The following SLC66A3 variants were observed in gnomAD, a reference collection of about 807,000 sequenced individuals.
SLC66A3 encodes the protein solute carrier family 66 member 3.
A neutral mutation model predicts 25.5 loss-of-function variants in SLC66A3; 23 were observed. The observed-to-expected ratio is 0.90, with a 90% confidence interval of 0.65 to 1.28. The LOEUF (loss-of-function observed/expected upper bound fraction) is 1.28, where lower values mean the gene tolerates loss of function less well. Among genes scored for constraint, SLC66A3 ranks in the 50% most tolerant of loss-of-function variants. The pLI is 0.00. For missense variants in SLC66A3, 246 were observed against 262.1 expected (o/e 0.94, Z 0.42); for synonymous variants, 108 against 112.6 (o/e 0.96, Z 0.26).
chr2:11,155,501 G>C lies in SLC66A3; in HGVS notation c.-46G>C, dbSNP rs1158242568. On this transcript the variant is annotated 5_prime_UTR_variant, in exon 1 of 7. Transcript: ENST00000295083. ...CAGAGCTGCGCCGCCGAGGCTGAGCGGTCCCTTCTCGCTGCGGCCGCCCAG... is the reference window on the plus strand; with the variant it reads ...CAGAGCTGCGCCGCCGAGGCTGAGCCGTCCCTTCTCGCTGCGGCCGCCCAG... 2 of 1,455,584 alleles carry C rather than the reference G, an allele frequency of 1.4e-6. No individual in the cohort carries two copies. Among genetic ancestry groups the C allele is most frequent in the Non-Finnish European group, 1.8e-6 (2 of 1,112,798 alleles). 90.2% of individuals were successfully genotyped at this position (1,455,584 alleles called of 1,614,324 possible). A position where few individuals can be genotyped will look rare whatever the true frequency, so the allele number is the denominator to read the frequency against.
At chr2:11,172,693 G>T in intron 5 of SLC66A3, 1 of 402,244 alleles carries the variant, frequency 2.5e-6, no homozygotes. Context: ...TATTCAACAA[G>T]TTACTTGTCT....
intron 3 of SLC66A3, among the ~76,000 whole-genome samples, chr2:11,161,731 G>A (rs1402451688): frequency 1.3e-5 from 2 of 152,176 alleles, no homozygotes; most frequent in Non-Finnish European, 2.9e-5. Context: ...ATGTTACCCA[G>A]ACTAGTCTTG....
chr2:11,165,268 C>CTG (rs570566491), intron 4 of SLC66A3, among the ~76,000 whole-genome samples: 1 of 128,988 alleles, frequency 7.8e-6, no homozygotes, highest in African/African-American at 3.4e-5. Context: ...CTCAGAGGGG[C>CTG]GGCTGCCGGG....
chr2:11,173,901 G>A lies in SLC66A3; in HGVS notation c.476-1067G>A, dbSNP rs539076397. ...TTGGAAAAATCTTCCCCTTTTCTGG[G>A]CCTCAGTCTGTTTATCTATAAAATG... On this transcript the variant is annotated intron_variant, in intron 5 of 6. Transcript: ENST00000295083. 1.4e-4 allele frequency among the ~76,000 whole-genome samples: 21 copies of A among 152,292 alleles called. 1 individual carries two copies. The East Asian group carries it at 4.0e-3, about 29-fold the overall frequency.
chr2:11,171,051 C>T (rs1211976728), intron 4 of SLC66A3, among the ~76,000 whole-genome samples: 1 of 152,116 alleles, frequency 6.6e-6, no homozygotes, highest in East Asian at 1.9e-4. Flanking sequence ...GGCATGGTGG[C>T]TCACACCTGT....
At chr2:11,165,402 G>A (rs1289701916) in intron 4 of SLC66A3, among the ~76,000 whole-genome samples, 2 of 146,924 alleles carry the variant, frequency 1.4e-5, no homozygotes, top group African/African-American at 2.6e-5. Flanking sequence ...GGGAAGAGGT[G>A]CTCCTCACTT....
rs917051343 is a variant in SLC66A3, at chr2:11,174,489, TTTTTG to T, written c.476-459_476-455del. Among the ~76,000 whole-genome samples, 12 of 152,168 alleles carry T rather than the reference TTTTTG, an allele frequency of 7.9e-5. 1 individual carries two copies. The highest frequency in any genetic ancestry group is 7.7e-4 in the East Asian group (4 of 5,170). ...CCATTGGGGTAGGATGCATGGCTGT[TTTTTG>T]TTTTGTTTTGTTTTGTTTTTGAGAC... On this transcript the variant is annotated intron_variant, in intron 5 of 6. Transcript: ENST00000295083.
intron 4 of SLC66A3, 80 bp downstream of exon 4, chr2:11,164,341 A>ATG: frequency 1.7e-5 from 2 of 120,926 alleles, no homozygotes; most frequent in African/African-American, 4.9e-5. Flanking sequence ...ATATATATAT[A>ATG]TATATTTTTT....
intron 4 of SLC66A3, among the ~76,000 whole-genome samples, chr2:11,170,233 G>A (rs574914633): frequency 7.9e-5 from 12 of 152,244 alleles, no homozygotes; most frequent in East Asian, 1.9e-4. Context: ...TTCTCACCTC[G>A]TCTGTTTCTA....
intron 4 of SLC66A3, among the ~76,000 whole-genome samples, chr2:11,165,475 C>T (rs1662298701): frequency 6.7e-6 from 1 of 149,178 alleles, no homozygotes; most frequent in African/African-American, 2.5e-5. Flanking sequence ...GGGGCAGAGG[C>T]GCTCCCCACA....
intron 6 of SLC66A3, 60 bp from the exon 7 acceptor site, chr2:11,177,677 G>A: frequency 1.0e-6 from 1 of 1,002,622 alleles, no homozygotes; most frequent in Non-Finnish European, 1.5e-6. Context: ...CTTTGAGCAG[G>A]AGGTGGTTTT....
At chr2:11,156,124 T>G (rs558753143) in intron 1 of SLC66A3, among the ~76,000 whole-genome samples, 2 of 152,312 alleles carry the variant, frequency 1.3e-5, no homozygotes, top group East Asian at 3.9e-4. Context: ...GAACTAAGAA[T>G]GTATGAATCT....
intron 1 of SLC66A3, among the ~76,000 whole-genome samples, chr2:11,157,878 G>C (rs1661963975): frequency 6.6e-6 from 1 of 152,140 alleles, no homozygotes; most frequent in Admixed American, 6.5e-5. Flanking sequence ...GCTCTGCTGG[G>C]CTCTGCCTCC....
chr2:11,160,543 C>T lies in SLC66A3; in HGVS notation c.221C>T (p.Ala74Val), dbSNP rs754776013. 41 of 1,614,056 alleles carry T rather than the reference C, an allele frequency of 2.5e-5. No individual in the cohort carries two copies. Among genetic ancestry groups the T allele is most frequent in the East Asian group, 4.5e-5 (2 of 44,894 alleles). The change falls in exon 2 of 7, where the codon GCG becomes GTG. Residue 74 changes from alanine to valine, a missense_variant. Coordinates refer to ENST00000295083, the MANE Select transcript of SLC66A3 (RefSeq NM_152391.5). ...LTYLEYPILI[A>V]QDVILLLCIF... ...TACCTGGAGTACCCCATCCTCATCG[C>T]GCAAGGTAACAGCCCCTTCCCTGTC... is the stretch of plus-strand genomic sequence containing the variant.
intron 1 of SLC66A3, among the ~76,000 whole-genome samples, chr2:11,159,881 C>T (rs897869222): frequency 2.0e-5 from 3 of 152,176 alleles, no homozygotes; most frequent in Admixed American, 6.5e-5. Context: ...GTCTTCTTAG[C>T]GAAATTGAGG....
chr2:11,165,700 C>A (rs1245822390), intron 4 of SLC66A3, among the ~76,000 whole-genome samples: 1 of 152,218 alleles, frequency 6.6e-6, no homozygotes, highest in East Asian at 1.9e-4. Flanking sequence ...GCCGAGATCA[C>A]GTCACTGCAC....
intron 4 of SLC66A3, among the ~76,000 whole-genome samples, chr2:11,169,547 G>A (rs1399618251): frequency 2.0e-5 from 3 of 152,058 alleles, no homozygotes; most frequent in East Asian, 3.9e-4. Flanking sequence ...CCAGGAAGCC[G>A]TGCTCCCCAG....
At chr2:11,174,888 T>G in intron 5 of SLC66A3, 80 bp from the exon 6 acceptor site, 1 of 896,000 alleles carries the variant, frequency 1.1e-6, no homozygotes, top group Non-Finnish European at 1.8e-6. Context: ...ATTGGGATAT[T>G]AAAAGGGAAA....
In SLC66A3 at chr2:11,171,918, C is replaced by T. The variant is rs1558258485; in HGVS notation, c.355-7C>T. On this transcript the variant is annotated splice_polypyrimidine_tract_variant and splice_region_variant and intron_variant, in intron 4 of 6. Coordinates refer to ENST00000295083, the MANE Select transcript of SLC66A3 (RefSeq NM_152391.5). ...TCGTGACTTTCTCACATTTTATCTG[C>T]AAACAGAATCTATGTACTTTCATCA... The T allele has an allele frequency of 3.7e-6, 6 of 1,613,574 alleles. No individual in the cohort carries two copies. The highest frequency in any genetic ancestry group is 5.1e-6 in the Non-Finnish European group (6 of 1,179,758).
Sources: allele counts gnomAD v4.1 joint callset (sites outside exome capture counted in the v4.1 genomes callset), GRCh38; gene constraint gnomAD v4.1.1; transcripts MANE v1.5; gene names NCBI Gene and HGNC (gene_info 2026-07-23, HGNC 2026-07-21).